The following LRIF1 variants were observed in gnomAD, a reference collection of about 807,000 sequenced individuals.
LRIF1 encodes the protein ligand dependent nuclear receptor interacting factor 1.
LRIF1 carries 32 observed loss-of-function variants against 52.7 expected under a neutral mutation model. The observed-to-expected ratio is 0.61, with a 90% CI of 0.46 to 0.82. The LOEUF (loss-of-function observed/expected upper bound fraction) is 0.82, where lower values mean the gene tolerates loss of function less well. Among genes scored for constraint, LRIF1 ranks in the 40% least tolerant of loss-of-function variants. LRIF1 has a pLI of 0.00. For synonymous variants in LRIF1, 323 were observed against 317.4 expected (o/e 1.02, Z -0.19); for missense variants, 887 against 892.0 (o/e 0.99, Z 0.07).
intron 1 of LRIF1, among the ~76,000 whole-genome samples, chr1:110,959,784 C>T (rs1658872092): frequency 1.4e-5 from 2 of 143,398 alleles, no homozygotes; most frequent in African/African-American, 5.1e-5. Flanking sequence ...TAAAAAGGCA[C>T]ATTAAACATA....
At chr1:110,958,584 TA>T (rs1034819268) in intron 1 of LRIF1, among the ~76,000 whole-genome samples, 3 of 152,016 alleles carry the variant, frequency 2.0e-5, no homozygotes, top group South Asian at 2.1e-4. Context: ...TTCTGCTTTA[TA>T]AAAAAAACTA....
At chr1:110,910,169 G>GA in the LRIF1 span, among the ~76,000 whole-genome samples, 1 of 150,120 alleles carries the variant, frequency 6.7e-6, no homozygotes, top group Non-Finnish European at 1.5e-5. Context: ...CTTGACACTT[G>GA]AAAAAAACAG....
chr1:110,891,421 A>G, the LRIF1 span: 1 of 1,613,696 alleles, frequency 6.2e-7, no homozygotes, highest in Non-Finnish European at 8.5e-7. Flanking sequence ...GGGCATGAGT[A>G]GCTTGAAACT....
the LRIF1 span, chr1:110,897,923 G>GATT: frequency 2.2e-5 from 27 of 1,252,096 alleles, no homozygotes; most frequent in Non-Finnish European, 3.0e-5. Context: ...TTATTGTGAG[G>GATT]ATTACATGAG....
the LRIF1 span, among the ~76,000 whole-genome samples, chr1:110,915,013 C>A: frequency 6.6e-6 from 1 of 152,094 alleles, no homozygotes; most frequent in Non-Finnish European, 1.5e-5. Context: ...TCAGTAGCAG[C>A]ATTATTTTTA....
chr1:110,936,847 T>G, the LRIF1 span: 4 of 151,998 alleles, frequency 2.6e-5, no homozygotes, highest in South Asian at 2.1e-4. Context: ...GAAACACAAT[T>G]CAACTATAAA....
At chr1:110,891,677 G>A in the LRIF1 span, among the ~76,000 whole-genome samples, 6 of 152,334 alleles carry the variant, frequency 3.9e-5, no homozygotes, top group East Asian at 9.6e-4. Context: ...TACCAGTGCA[G>A]TTATTAATGG....
downstream of LRIF1, chr1:110,944,569 AG>A (rs1658158880): frequency 6.6e-6 from 1 of 152,248 alleles, no homozygotes; most frequent in African/African-American, 2.4e-5. Flanking sequence ...TAAAGAGATT[AG>A]GGAGAAGGAA....
the LRIF1 span, among the ~76,000 whole-genome samples, chr1:110,881,776 G>GT: frequency 6.6e-6 from 1 of 152,168 alleles, no homozygotes; most frequent in African/African-American, 2.4e-5. Flanking sequence ...ACTTGGTGTG[G>GT]TCAGGTTTTG....
chr1:110,953,020 G>A (rs1244587527), intron 1 of LRIF1: 8 of 232,510 alleles, frequency 3.4e-5, no homozygotes, highest in Admixed American at 2.2e-4. Flanking sequence ...ATTAGGCAAT[G>A]GGTATGAGAT....
downstream of LRIF1, among the ~76,000 whole-genome samples, chr1:110,945,659 T>G (rs895498437): frequency 6.6e-6 from 1 of 152,192 alleles, no homozygotes; most frequent in Non-Finnish European, 1.5e-5. Flanking sequence ...ACTCCTTACC[T>G]CAGGTGATCT....
At chr1:110,960,489 AG>A (rs1420962060) in intron 1 of LRIF1, among the ~76,000 whole-genome samples, 3 of 152,226 alleles carry the variant, frequency 2.0e-5, no homozygotes, top group Non-Finnish European at 2.9e-5. Flanking sequence ...GGTTATGGGA[AG>A]ATAGCTGCCA....
chr1:110,961,700 G>A (rs1658952538), intron 1 of LRIF1, among the ~76,000 whole-genome samples: 1 of 151,972 alleles, frequency 6.6e-6, no homozygotes, highest in African/African-American at 2.4e-5. Context: ...AAAAATAAAT[G>A]ATTTAGTACC....
the LRIF1 span, among the ~76,000 whole-genome samples, chr1:110,928,846 G>A: frequency 6.6e-6 from 1 of 152,170 alleles, no homozygotes; most frequent in African/African-American, 2.4e-5. Flanking sequence ...AGGACAGACA[G>A]ATGGGGAAAA....
chr1:110,951,858 A>T lies in LRIF1; in HGVS notation c.1026T>A (p.Pro342=). The T allele has an allele frequency of 6.2e-7, 1 of 1,613,652 alleles. No individual in the cohort carries two copies. Among genetic ancestry groups the T allele is most frequent in the Non-Finnish European group, 8.5e-7 (1 of 1,180,000 alleles). Residue 342 remains proline, a synonymous_variant, in exon 2 of 4, where the codon CCT becomes CCA. Coordinates refer to ENST00000369763, the MANE Select transcript of LRIF1 (RefSeq NM_018372.4). ...GCATATTTTTGGATCGCGTCCCACTAGGATCGATGGTACTCAATGGTGGCA... is the reference window on the plus strand; with the variant it reads ...GCATATTTTTGGATCGCGTCCCACTTGGATCGATGGTACTCAATGGTGGCA... ...INMPPLSTID[P]SGTRSKNMPI...
the LRIF1 span, among the ~76,000 whole-genome samples, chr1:110,909,740 C>T: frequency 2.6e-5 from 4 of 151,954 alleles, no homozygotes; most frequent in Non-Finnish European, 5.9e-5. Flanking sequence ...ATCACCACAC[C>T]TGGCTAATTT....
chr1:110,951,456 T>C lies in LRIF1; in HGVS notation c.1428A>G (p.Pro476=), dbSNP rs747822471. The C allele has an allele frequency of 1.2e-6, 2 of 1,614,116 alleles. No homozygotes were observed. Among genetic ancestry groups the C allele is most frequent in the Non-Finnish European group, 1.7e-6 (2 of 1,179,996 alleles). The change falls in exon 2 of 4, where the codon CCA becomes CCG. Residue 476 remains proline (P), a synonymous_variant. Coordinates refer to ENST00000369763, the MANE Select transcript of LRIF1 (RefSeq NM_018372.4). ...LKQSKTLFTN[P]IFPVGFSTGH... The stretch of plus-strand genomic sequence containing the variant: ...CTGTACTAAATCCAACTGGAAAGAT[T>C]GGATTTGTGAATAAAGTCTTACTCT...
downstream of LRIF1, among the ~76,000 whole-genome samples, chr1:110,943,176 A>G (rs951931694): frequency 2.0e-5 from 3 of 152,200 alleles, no homozygotes; most frequent in East Asian, 1.9e-4. Context: ...CTAAGAATTG[A>G]CCATTAGATT....
At chr1:110,927,021 T>C in the LRIF1 span, among the ~76,000 whole-genome samples, 1 of 152,136 alleles carries the variant, frequency 6.6e-6, no homozygotes, top group African/African-American at 2.4e-5. Context: ...GACTTTTCAA[T>C]TAAGAATGTT....
Sources: allele counts gnomAD v4.1 joint callset (sites outside exome capture counted in the v4.1 genomes callset), GRCh38; gene constraint gnomAD v4.1.1; transcripts MANE v1.5; gene names NCBI Gene and HGNC (gene_info 2026-07-23, HGNC 2026-07-21).